The following LRR1 variants were observed in gnomAD, a reference collection of about 807,000 sequenced individuals.
LRR1 encodes the protein leucine rich repeat protein 1.
A neutral mutation model predicts 31.6 loss-of-function variants in LRR1; 29 were observed. The ratio of observed to expected loss-of-function variants is 0.92; its 90% CI spans 0.68 to 1.25. LRR1 has a LOEUF of 1.25. Among genes scored for constraint, LRR1 ranks in the 50% most tolerant of loss-of-function variants. The pLI, the probability that LRR1 is intolerant of heterozygous loss-of-function variation, is 0.00. For missense variants in LRR1, 485 were observed against 487.2 expected, an observed-to-expected ratio of 1.00 and a Z score of 0.04; for synonymous variants, 179 against 181.4, an observed-to-expected ratio of 0.99 and a Z score of 0.10.
At chr14:49,599,318 G>C (rs1015891667) in intron 1 of LRR1, 115 bp downstream of exon 1, 1 of 1,213,450 alleles carries the variant, frequency 8.2e-7, no homozygotes, top group African/African-American at 1.5e-5. Flanking sequence ...CGCCTTGGGG[G>C]TTCCTGAACT....
intron 1 of LRR1, chr14:49,600,813 A>G: frequency 1.2e-6 from 1 of 807,832 alleles, no homozygotes; most frequent in Non-Finnish European, 1.9e-6. Flanking sequence ...CTGAAGCCAC[A>G]ATCTATTATA....
chr14:49,606,751 G>A (rs1166491611), intron 2 of LRR1, among the ~76,000 whole-genome samples: 1 of 151,448 alleles, frequency 6.6e-6, no homozygotes, highest in Admixed American at 6.6e-5. Context: ...CCGCCTCCCG[G>A]GTTCAAGCGA....
chr14:49,600,288 G>A (rs1385379599), intron 1 of LRR1: 8 of 1,493,890 alleles, frequency 5.4e-6, no homozygotes, highest in Non-Finnish European at 7.5e-6. Flanking sequence ...ATTTCAAAAT[G>A]TGAGGGAGGA....
At chr14:49,605,172 G>T (rs1882234526) in intron 2 of LRR1, among the ~76,000 whole-genome samples, 1 of 152,154 alleles carries the variant, frequency 6.6e-6, no homozygotes, top group Non-Finnish European at 1.5e-5. Context: ...TGAAATTACA[G>T]GCATGGTCCA....
chr14:49,600,925 A>G, intron 1 of LRR1: 1 of 1,513,898 alleles, frequency 6.6e-7, no homozygotes, highest in Non-Finnish European at 8.9e-7. Flanking sequence ...AGAGCTGTAG[A>G]TGGAACTGCT....
At chr14:49,606,647 A>G (rs1241898820) in intron 2 of LRR1, among the ~76,000 whole-genome samples, 1 of 71,868 alleles carries the variant, frequency 1.4e-5, no homozygotes, top group South Asian at 3.2e-4. Context: ...CCTTAAACTC[A>G]AATTTTTTTT....
intron 3 of LRR1, among the ~76,000 whole-genome samples, chr14:49,611,659 A>G (rs1841029654): frequency 6.6e-6 from 1 of 152,138 alleles, no homozygotes; most frequent in East Asian, 1.9e-4. Flanking sequence ...GCAGTGGCTC[A>G]CGCCTGTAAT....
At chr14:49,612,510 A>T in intron 3 of LRR1, 1 of 1,259,060 alleles carries the variant, frequency 7.9e-7, no homozygotes, top group Non-Finnish European at 1.0e-6. Flanking sequence ...AACATGTGGG[A>T]GACACTCCCT....
chr14:49,600,407 G>A (rs1882009749), intron 1 of LRR1: 17 of 1,602,516 alleles, frequency 1.1e-5, no homozygotes, highest in Non-Finnish European at 1.4e-5. Flanking sequence ...TGAGTGATAT[G>A]AAAGAAAAAC....
At chr14:49,612,463 T>A in intron 3 of LRR1, 1 of 1,221,518 alleles carries the variant, frequency 8.2e-7, no homozygotes, top group Non-Finnish European at 1.0e-6. Flanking sequence ...GTCTGTTTCC[T>A]CAATCTAGAA....
At chr14:49,609,561 C>T (rs1459853223) in intron 3 of LRR1, among the ~76,000 whole-genome samples, 1 of 151,894 alleles carries the variant, frequency 6.6e-6, no homozygotes, top group East Asian at 1.9e-4. Flanking sequence ...CCCGCCACCA[C>T]ACCTGGCTAA....
intron 1 of LRR1, chr14:49,601,254 G>T (rs1243709823): frequency 1.7e-6 from 2 of 1,208,462 alleles, no homozygotes; most frequent in Non-Finnish European, 2.2e-6. Flanking sequence ...TCCTGCACTT[G>T]CCTTGTCTTG....
chr14:49,603,845 G>A (rs369989855), intron 2 of LRR1, among the ~76,000 whole-genome samples: 4 of 151,316 alleles, frequency 2.6e-5, no homozygotes, highest in Admixed American at 6.6e-5. Flanking sequence ...GGCACGTGCC[G>A]CCATGCCCAG....
At chr14:49,600,429 G>A (rs1282866552) in intron 1 of LRR1, 6 of 1,603,596 alleles carry the variant, frequency 3.7e-6, no homozygotes, top group African/African-American at 1.3e-5. Context: ...TATATGTGTG[G>A]AACAAGGACA....
chr14:49,599,528 G>A (rs2139528848), intron 1 of LRR1, among the ~76,000 whole-genome samples: 1 of 152,348 alleles, frequency 6.6e-6, no homozygotes, highest in South Asian at 2.1e-4. Context: ...CGTGAAACAA[G>A]CGCAAATGAA....
intron 1 of LRR1, among the ~76,000 whole-genome samples, chr14:49,599,573 C>T (rs1009162648): frequency 2.6e-5 from 4 of 152,202 alleles, no homozygotes; most frequent in African/African-American, 4.8e-5. Flanking sequence ...AAAATAACTG[C>T]AGTTCTGTTC....
At chr14:49,601,816 T>TAA (rs11319854) in intron 1 of LRR1, among the ~76,000 whole-genome samples, 1,443 of 90,636 alleles carry the variant, frequency 0.016, 23 homozygotes, top group African/African-American at 0.054. Context: ...TCCCAACTGC[T>TAA]AAAAAAAAAA....
chr14:49,603,002 ATTT>A (rs34024087), intron 2 of LRR1, among the ~76,000 whole-genome samples: 2 of 139,528 alleles, frequency 1.4e-5, no homozygotes. Context: ...TGCGTGGCTG[ATTT>A]TTTTTTTTTT....
chr14:49,612,823 C>T (rs1245412849), intron 3 of LRR1, among the ~76,000 whole-genome samples: 2 of 152,048 alleles, frequency 1.3e-5, no homozygotes, highest in Non-Finnish European at 2.9e-5. Context: ...GTGGCTGGAG[C>T]ATGGTTGTGT....
Sources: gnomAD v4.1 joint callset for allele counts (sites outside exome capture counted in the v4.1 genomes callset) on GRCh38, gnomAD v4.1.1 for gene constraint, MANE v1.5 for transcripts, NCBI Gene and HGNC (gene_info 2026-07-23, HGNC 2026-07-21) for gene names.